Variants in NSDHL observed in about 807,000 individuals in gnomAD.
The protein encoded by NSDHL is sterol-4-alpha-carboxylate 3-dehydrogenase, decarboxylating.
A neutral mutation model predicts 23.0 loss-of-function variants in NSDHL; 1 was observed. The ratio of observed to expected loss-of-function variants is 0.04; its 90% CI spans 0.02 to 0.21. The LOEUF (loss-of-function observed/expected upper bound fraction) is 0.21, where lower values mean the gene tolerates loss of function less well. NSDHL is among the 10% of genes least tolerant of loss of function. The pLI is 1.00. For synonymous variants in NSDHL, 128 were observed against 121.1 expected, an observed-to-expected ratio of 1.06 and a Z score of -0.37; for missense variants, 237 against 300.9, an observed-to-expected ratio of 0.79 and a Z score of 1.57.
chrX:152,839,329 G>T (rs1406957259), intron 1 of NSDHL, among the ~76,000 whole-genome samples: 1 of 112,094 alleles, frequency 8.9e-6, no homozygotes, highest in Non-Finnish European at 1.9e-5. Context: ...GTGTGAATTT[G>T]ATCCTGTCAT....
At chrX:152,838,457 C>T (rs1312322606) in intron 1 of NSDHL, among the ~76,000 whole-genome samples, 6 of 111,817 alleles carry the variant, frequency 5.4e-5, no homozygotes, top group Middle Eastern at 9.1e-3. Flanking sequence ...TTTCCCTCTA[C>T]GCACTGCTTT....
At chrX:152,858,520 A>C (rs990533355) in intron 3 of NSDHL, among the ~76,000 whole-genome samples, 5 of 111,821 alleles carry the variant, frequency 4.5e-5, no homozygotes, top group Non-Finnish European at 9.4e-5. Flanking sequence ...TGGATCCCAC[A>C]GGCTTCTCAT....
At chrX:152,865,349 C>T (rs1361523542) in intron 5 of NSDHL, among the ~76,000 whole-genome samples, 1 of 112,346 alleles carries the variant, frequency 8.9e-6, no homozygotes, top group Admixed American at 9.4e-5. Context: ...GAGCCCTCCC[C>T]TCGGAGGTGA....
At chrX:152,858,344 G>A (rs1478506857) in intron 3 of NSDHL, among the ~76,000 whole-genome samples, 1 of 112,358 alleles carries the variant, frequency 8.9e-6, no homozygotes, top group Non-Finnish European at 1.9e-5. Flanking sequence ...GCTGTATTGT[G>A]TCAAGTTTCA....
intron 4 of NSDHL, among the ~76,000 whole-genome samples, chrX:152,860,431 G>A (rs1178946168): frequency 1.8e-5 from 2 of 111,550 alleles, no homozygotes; most frequent in Non-Finnish European, 3.8e-5. Context: ...ACAAAGATTT[G>A]TGCCCCAGGT....
chrX:152,837,843 A>G (rs782182090), intron 1 of NSDHL, among the ~76,000 whole-genome samples: 6 of 111,546 alleles, frequency 5.4e-5, no homozygotes, highest in South Asian at 7.5e-4. Flanking sequence ...CTCTTTTTCT[A>G]TTGAGTGGAA....
Position 152,869,437 on chromosome X carries a change from ACATAATCAAGGAAGC to A in NSDHL, c.*322_*336del, listed in dbSNP as rs1933674418. ...ATACATTTCATTCCAGTGTCCTTGT[ACATAATCAAGGAAGC>A]TGTAGGAAGCTACAACCCATTTGTT... On this transcript the variant is annotated 3_prime_UTR_variant, in exon 8 of 8. Coordinates refer to ENST00000370274, the MANE Select transcript of NSDHL (RefSeq NM_015922.3). The A allele has an allele frequency of 9.6e-6, 3 of 311,246 alleles. No individual in the cohort carries two copies. The highest frequency in any genetic ancestry group is 1.7e-5 in the Non-Finnish European group (3 of 173,776). 25.7% of individuals were successfully genotyped at this position (311,246 alleles called of 1,213,427 possible).
At position 152,868,468 on chromosome X, in the gene NSDHL, C is replaced by T. The variant is rs782158195; in HGVS notation, c.790-316C>T. Among the ~76,000 whole-genome samples the T allele has an allele frequency of 1.3e-4, 15 of 112,002 alleles. No homozygotes were observed. In the South Asian group the frequency reaches 1.8e-3, roughly 14 times the overall value. ...TTTTGATTTAAAACAAGCAGAACAC[C>T]GTCAAGAAATGTAATATGAGGAATT... On this transcript the variant is annotated intron_variant, in intron 7 of 7. Transcript: ENST00000370274.
In NSDHL at chrX:152,869,247, C is replaced by A; in HGVS notation, c.*131C>A. 1 of 562,386 alleles carries A rather than the reference C, an allele frequency of 1.8e-6. No homozygotes were observed. The allele number at this position is 562,386 out of a possible 1,213,427, so 46.3% of individuals were successfully genotyped here. On this transcript the variant is annotated 3_prime_UTR_variant, in exon 8 of 8. Coordinates refer to ENST00000370274, the MANE Select transcript of NSDHL (RefSeq NM_015922.3). The stretch of plus-strand genomic sequence containing the variant: ...GACTCCTTCTGCTAGGCAGAGAGCG[C>A]ACCCTACTCTTTCCGTGACGATGAG...
chrX:152,840,218 G>A (rs1289715476), intron 1 of NSDHL, among the ~76,000 whole-genome samples: 1 of 111,766 alleles, frequency 8.9e-6, no homozygotes, highest in Admixed American at 9.5e-5. Flanking sequence ...TTTTTTCAAG[G>A]TTTTTAGCTT....
In NSDHL at chrX:152,858,853, T is replaced by C. The variant is rs138711934; in HGVS notation, c.351T>C (p.Phe117=). 461 of 1,202,755 alleles carry C rather than the reference T, an allele frequency of 3.8e-4. No individual in the cohort carries two copies. Among genetic ancestry groups the C allele is most frequent in the Non-Finnish European group, 5.0e-4 (442 of 888,734 alleles). ...CATCCAGTAACAACAAGGAGCTCTT[T>C]TATAGAGTGAATTACATTGGCACCA... ...PPPSSNNKEL[F]YRVNYIGTKN... is the part of the protein sequence containing the mutation. Residue 117 remains phenylalanine, a synonymous_variant, in exon 4 of 8, where the codon TTT becomes TTC. Transcript: ENST00000370274.
At chrX:152,839,862 G>T (rs1933162642) in intron 1 of NSDHL, among the ~76,000 whole-genome samples, 1 of 112,395 alleles carries the variant, frequency 8.9e-6, no homozygotes, top group Admixed American at 9.4e-5. Flanking sequence ...CTAGGTTGGG[G>T]AAGTTCTCCT....
intron 5 of NSDHL, among the ~76,000 whole-genome samples, chrX:152,865,199 C>T (rs1290811588): frequency 1.8e-5 from 2 of 112,496 alleles, no homozygotes; most frequent in African/African-American, 6.5e-5. Context: ...GGAGCACTGG[C>T]TCTGGACCAG....
chrX:152,852,619 C>G (rs1933375675), intron 3 of NSDHL, among the ~76,000 whole-genome samples: 1 of 111,423 alleles, frequency 9.0e-6, no homozygotes, highest in African/African-American at 3.3e-5. Context: ...AACCCCCACC[C>G]TGGTTAAATC....
intron 1 of NSDHL, among the ~76,000 whole-genome samples, chrX:152,837,453 A>G (rs1166139666): frequency 9.0e-6 from 1 of 111,611 alleles, no homozygotes; most frequent in Non-Finnish European, 1.9e-5. Flanking sequence ...AGCTCTTATT[A>G]TTTTGAGATA....
At chrX:152,842,627 G>A (rs943277877) in intron 1 of NSDHL, among the ~76,000 whole-genome samples, 3 of 111,253 alleles carry the variant, frequency 2.7e-5, no homozygotes, top group South Asian at 3.8e-4. Flanking sequence ...TCAGCCTCCC[G>A]AGTAGTTGGG....
intron 5 of NSDHL, 91 bp downstream of exon 5, chrX:152,862,815 G>A: frequency 1.1e-6 from 1 of 876,478 alleles, no homozygotes; most frequent in African/African-American, 2.0e-5. Context: ...TGTATTCTGA[G>A]GCCTACGTAC....
At position 152,856,960 on chromosome X, in the gene NSDHL, G is replaced by A. The variant is rs184202299; in HGVS notation, c.268-1810G>A. 5.6e-3 allele frequency among the ~76,000 whole-genome samples: 631 copies of A among 112,515 alleles called. 2 individuals are homozygous for A. The highest frequency in any genetic ancestry group is 0.02 in the African/African-American group (606 of 31,007). On this transcript the variant is annotated intron_variant, in intron 3 of 7. Transcript: ENST00000370274. The stretch of plus-strand genomic sequence containing the variant: ...GTAATCCCAGCTACTCGGGAGAATC[G>A]CTTGAGCCCGGGAGGCAGAGGTTGC...
chrX:152,851,668 C>T (rs1209064118), intron 3 of NSDHL, among the ~76,000 whole-genome samples: 1 of 110,826 alleles, frequency 9.0e-6, no homozygotes, highest in Non-Finnish European at 1.9e-5. Flanking sequence ...CCTCATGCTG[C>T]TCTAAGCCTC....
Sources: gnomAD v4.1 joint callset for allele counts (sites outside exome capture counted in the v4.1 genomes callset) on GRCh38, gnomAD v4.1.1 for gene constraint, MANE v1.5 for transcripts, NCBI Gene and HGNC (gene_info 2026-07-23, HGNC 2026-07-21) for gene names.